The following SYNE1 variants were observed in gnomAD, a reference collection of about 807,000 sequenced individuals.
The protein encoded by SYNE1 is spectrin repeat containing nuclear envelope protein 1, also known as nesprin-1.
In SYNE1, 616 loss-of-function variants were observed where a neutral mutation model predicts 1,111.0. That is an observed-to-expected ratio of 0.55 (90% CI 0.52 to 0.59). The LOEUF (loss-of-function observed/expected upper bound fraction) is 0.59, where lower values mean the gene tolerates loss of function less well. Ranked by LOEUF, SYNE1 falls within the 20% of genes least tolerant of loss-of-function variation. The pLI is 0.00. For missense variants in SYNE1, 10,006 were observed against 10,417.0 expected, an observed-to-expected ratio of 0.96 and a Z score of 1.72; for synonymous variants, 3,855 against 3,825.8, an observed-to-expected ratio of 1.01 and a Z score of -0.28.
intron 125 of SYNE1, among the ~76,000 whole-genome samples, chr6:152,206,997 C>G (rs1426737165): frequency 6.6e-6 from 1 of 152,034 alleles, no homozygotes; most frequent in Non-Finnish European, 1.5e-5. Context: ...TAAAAGCACT[C>G]AGGAATCGAG....
intron 3 of SYNE1, among the ~76,000 whole-genome samples, chr6:152,571,829 T>C (rs1595591426): frequency 6.6e-6 from 1 of 152,238 alleles, no homozygotes; most frequent in East Asian, 1.9e-4. Context: ...AACATGTAAC[T>C]AAATTTAGTT....
intron 63 of SYNE1, 110 bp downstream of exon 63, chr6:152,364,737 G>T: frequency 7.8e-7 from 1 of 1,285,844 alleles, no homozygotes; most frequent in East Asian, 2.4e-5. Context: ...AGGGAGGAAG[G>T]AAAGGAAAGG....
At chr6:152,188,439 T>C (rs1483699378) in intron 128 of SYNE1, among the ~76,000 whole-genome samples, 1 of 151,982 alleles carries the variant, frequency 6.6e-6, no homozygotes, top group Non-Finnish European at 1.5e-5. Flanking sequence ...GTTGTGCACA[T>C]AGAAGGTATT....
intron 41 of SYNE1, among the ~76,000 whole-genome samples, chr6:152,414,182 C>A (rs931353866): frequency 1.3e-5 from 2 of 151,906 alleles, no homozygotes; most frequent in Admixed American, 1.3e-4. Context: ...GGTGGGAGAA[C>A]TGCTTGAGAC....
intron 78 of SYNE1, among the ~76,000 whole-genome samples, chr6:152,328,953 T>G (rs2096168793): frequency 6.6e-6 from 1 of 152,212 alleles, no homozygotes; most frequent in African/African-American, 2.4e-5. Context: ...TGTGGCTTAT[T>G]GGCAAGGTCA....
chr6:152,594,034 G>C (rs1244255251), intron 3 of SYNE1, among the ~76,000 whole-genome samples: 4 of 151,894 alleles, frequency 2.6e-5, no homozygotes, highest in Non-Finnish European at 5.9e-5. Context: ...CCCTGCCTCC[G>C]CCCCATCCCA....
chr6:152,569,228 T>C (rs2099430907), intron 3 of SYNE1, among the ~76,000 whole-genome samples: 1 of 152,112 alleles, frequency 6.6e-6, no homozygotes, highest in Non-Finnish European at 1.5e-5. Context: ...ACAATCAAAT[T>C]TTGGGATCAC....
chr6:152,389,921 C>G (rs1052913266), intron 53 of SYNE1, among the ~76,000 whole-genome samples: 1 of 152,170 alleles, frequency 6.6e-6, no homozygotes, highest in African/African-American at 2.4e-5. Context: ...CTGCCAATAG[C>G]TTAATTTTCC....
At chr6:152,425,790 T>C (rs552862585) in intron 38 of SYNE1, among the ~76,000 whole-genome samples, 1 of 152,344 alleles carries the variant, frequency 6.6e-6, no homozygotes, top group East Asian at 1.9e-4. Context: ...GTTAAGTGGA[T>C]CCATTTCTAA....
intron 128 of SYNE1, among the ~76,000 whole-genome samples, chr6:152,182,710 C>A (rs1315202847): frequency 6.6e-6 from 1 of 152,198 alleles, no homozygotes; most frequent in Non-Finnish European, 1.5e-5. Context: ...TGTGATTCTA[C>A]ATCCTTGTAC....
At chr6:152,128,131 G>C (rs566967785) in intron 145 of SYNE1, 1 of 152,326 alleles carries the variant, frequency 6.6e-6, no homozygotes, top group Non-Finnish European at 1.5e-5. Context: ...AGTTGCAGTA[G>C]TGTTTTGAAG....
In SYNE1 at chr6:152,357,977, T is replaced by C. The variant is rs2096866745; in HGVS notation, c.10608+396A>G. 2.0e-5 allele frequency among the ~76,000 whole-genome samples: 3 copies of C among 152,222 alleles called. No individual in the cohort carries two copies. In the South Asian group the frequency reaches 6.2e-4, roughly 31 times the overall value. On this transcript the variant is annotated intron_variant, in intron 66 of 145. Transcript: ENST00000367255. The stretch of plus-strand genomic sequence containing the variant: ...GTGGCAGGTTTTGCTTAAAACTACA[T>C]GGTTCAAGATATTGCCACTAGTTTG...
At position 152,148,027 on chromosome 6, in the gene SYNE1, G is replaced by A. The variant is rs1028310898; in HGVS notation, c.24976+18C>T. ...TGACTTTCCTTTAAGCTGGCAAACT[G>A]GAGAGGCTCTTTCCTACCTGATAAG... On this transcript the variant is annotated intron_variant, in intron 137 of 145. Coordinates refer to ENST00000367255, the MANE Select transcript of SYNE1 (RefSeq NM_182961.4). The surrounding 1 kb of genome is among the most constrained non-coding windows in gnomAD (Gnocchi z 4.1). 1.3e-5 allele frequency: 21 copies of A among 1,609,892 alleles called. No individual in the cohort carries two copies. The highest frequency in any genetic ancestry group is 1.7e-5 in the Non-Finnish European group (20 of 1,177,040).
At chr6:152,598,287 A>G (rs1386096123) in intron 3 of SYNE1, among the ~76,000 whole-genome samples, 1 of 152,052 alleles carries the variant, frequency 6.6e-6, no homozygotes, top group Non-Finnish European at 1.5e-5. Context: ...TCCCTGCACA[A>G]GCTCTCTTAT....
intron 10 of SYNE1, among the ~76,000 whole-genome samples, chr6:152,501,230 T>C (rs989989248): frequency 1.3e-5 from 2 of 152,098 alleles, no homozygotes; most frequent in Non-Finnish European, 2.9e-5. Context: ...AAAAATAGAA[T>C]ACAATACTAC....
At chr6:152,302,143 G>A in intron 91 of SYNE1, 80 bp from the exon 92 acceptor site, 2 of 1,591,932 alleles carry the variant, frequency 1.3e-6, no homozygotes, top group Non-Finnish European at 1.7e-6. Context: ...CTTCCTGCAG[G>A]GCGAGCCAAT....
intron 78 of SYNE1, among the ~76,000 whole-genome samples, chr6:152,327,756 A>G (rs1167813749): frequency 6.6e-6 from 1 of 152,222 alleles, no homozygotes; most frequent in African/African-American, 2.4e-5. Context: ...TTCAAAACTC[A>G]CCAAAAGAAG....
At position 152,362,347 on chromosome 6, in the gene SYNE1, T is replaced by C. The variant is rs763463195; in HGVS notation, c.10146-24A>G. The C allele has an allele frequency of 2.5e-6, 4 of 1,613,946 alleles. No individual in the cohort carries two copies. The East Asian group carries it at 8.9e-5, about 36-fold the overall frequency. Reference sequence around the variant, plus strand: ...GGCTGAAAGGGATTTGAAAGGACAATAAATCCACATTGAGAATCCTTAGGA... The same window carrying C: ...GGCTGAAAGGGATTTGAAAGGACAACAAATCCACATTGAGAATCCTTAGGA... On this transcript the variant is annotated intron_variant, in intron 63 of 145. Transcript: ENST00000367255.
chr6:152,189,350 T>G lies in SYNE1; in HGVS notation c.23203A>C (p.Lys7735Gln). 6.2e-7 allele frequency: 1 copy of G among 1,614,098 alleles called. No individual in the cohort carries two copies. Among genetic ancestry groups the G allele is most frequent in the Middle Eastern group, 1.6e-4 (1 of 6,062 alleles). ...TDDLTQLSLL[K>Q]DTLSAYISAD... ...CTGATATAGGCAGAGAGGGTGTCCT[T>G]CAGCAGGCTCAACTGGGTCAAGTCA... Residue 7735 changes from lysine to glutamine, a missense_variant, in exon 128 of 146, where the codon AAG becomes CAG. Around this residue, in one of 7 missense-constraint regions of SYNE1, gnomAD observed 2,182 missense variants for 2,287.8 expected, o/e 0.95. Coordinates refer to ENST00000367255, the MANE Select transcript of SYNE1 (RefSeq NM_182961.4).
Sources: gnomAD v4.1 joint callset for allele counts (sites outside exome capture counted in the v4.1 genomes callset) on GRCh38, gnomAD v4.1.1 for gene constraint, gnomAD v4.1.1 regional missense constraint, Gnocchi (gnomAD v3.1) non-coding constraint, MANE v1.5 for transcripts, NCBI Gene and HGNC (gene_info 2026-07-23, HGNC 2026-07-21) for gene names.